DHX16: variants seen among roughly 807,000 people sequenced by gnomAD.
DHX16 encodes the protein DEAH-box helicase 16.
DHX16 carries 81 observed loss-of-function variants against 131.2 expected under a neutral mutation model. The observed-to-expected ratio is 0.62, with a 90% CI of 0.52 to 0.74. The LOEUF (loss-of-function observed/expected upper bound fraction) is 0.74. Ranked by LOEUF, DHX16 falls within the 30% of genes least tolerant of loss-of-function variation. The pLI is 0.00. For missense variants in DHX16, 980 were observed against 1,363.1 expected, an observed-to-expected ratio of 0.72 and a Z score of 4.43; for synonymous variants, 440 against 520.2, an observed-to-expected ratio of 0.85 and a Z score of 2.10.
chr6:30,658,650 G>A (rs1160753163), intron 12 of DHX16, among the ~76,000 whole-genome samples: 1 of 151,834 alleles, frequency 6.6e-6, no homozygotes, highest in Non-Finnish European at 1.5e-5. Flanking sequence ...GGTGGAGGCT[G>A]CAGTGAGCCG....
At position 30,656,702 on chromosome 6, in the gene DHX16, G is replaced by A. The variant is rs866178679; in HGVS notation, c.2206C>T (p.Arg736Cys). The change falls in exon 14 of 20, where the codon CGC (arginine) becomes TGC (cysteine). Residue 736 changes from arginine (R) to cysteine (C), a missense_variant. By Grantham distance (180) the Arg-to-Cys change is radical (BLOSUM62 -3). Transcript: ENST00000376442. This position sits in a 1 kb window ranked among gnomAD's most constrained non-coding sequence, Gnocchi z 5.1. ...TGATAGGCCCAGGCGGTATACAGGC[G>A]GAAGCACTTCCCTGCAGCCACCCGA... Reference protein sequence around the residue: ...AGRVAAGKCFRLYTAWAYQHE... With the variant: ...AGRVAAGKCFCLYTAWAYQHE... 4.3e-6 allele frequency: 7 copies of A among 1,613,408 alleles called. No individual in the cohort carries two copies. Among genetic ancestry groups the A allele is most frequent in the East Asian group, 2.2e-5 (1 of 44,900 alleles).
At position 30,665,334 on chromosome 6, in the gene DHX16, C is replaced by G; in HGVS notation, c.922-60G>C. The G allele has an allele frequency of 6.3e-7, 1 of 1,592,750 alleles. No individual in the cohort carries two copies. The highest frequency in any genetic ancestry group is 8.5e-7 in the Non-Finnish European group (1 of 1,172,424). On this transcript the variant is annotated intron_variant, in intron 5 of 19. Transcript: ENST00000376442. The surrounding 1 kb of genome is among the most constrained non-coding windows in gnomAD (Gnocchi z 4.8). Reference sequence around the variant, plus strand: ...CAGGATGTCCTCTCTGCCCTCTCCCCTCTTCCCATTACTACCCCCGCCCAC... The same window carrying G: ...CAGGATGTCCTCTCTGCCCTCTCCCGTCTTCCCATTACTACCCCCGCCCAC...
rs760090255 is a variant in DHX16 at position 30,662,929 on chromosome 6, AC to A, written c.1409del (p.Gly470ValfsTer2). ...SVAARVAREM[G>X]VKLGNEVGYS... Reference sequence around the variant, plus strand: ...ATCTCACCTCATTCCCAAGCTTCACACCCATCTCCCGGGCCACTCGGGCGGC... The same window carrying A: ...ATCTCACCTCATTCCCAAGCTTCACACCATCTCCCGGGCCACTCGGGCGGC... On this transcript the variant is annotated frameshift_variant, in exon 8 of 20. Coordinates refer to ENST00000376442, the MANE Select transcript of DHX16 (RefSeq NM_003587.5). LOFTEE classifies it high-confidence loss of function. The surrounding 1 kb of genome is among the most constrained non-coding windows in gnomAD (Gnocchi z 4.7). The A allele has an allele frequency of 1.9e-6, 3 of 1,612,862 alleles. No homozygotes were observed. The Admixed American group carries it at 5.0e-5, about 27-fold the overall frequency.
intron 19 of DHX16, among the ~76,000 whole-genome samples, chr6:30,654,129 G>T (rs963198309): frequency 6.7e-6 from 1 of 149,626 alleles, no homozygotes; most frequent in Non-Finnish European, 1.5e-5. Context: ...AAAAAGAAAA[G>T]CCTAGAACAT....
chr6:30,656,569 T>TC lies in DHX16; in HGVS notation c.2311+27dup, dbSNP rs990032389. On this transcript the variant is annotated intron_variant, in intron 14 of 19. Transcript: ENST00000376442. This position sits in a 1 kb window ranked among gnomAD's most constrained non-coding sequence, Gnocchi z 5.1. The stretch of plus-strand genomic sequence containing the variant: ...TTCAAAGGACAGTGACTCCAGCCCC[T>TC]CCCTCCTCTCTCAGGTAGCCCAATC... The TC allele has an allele frequency of 3.1e-6, 5 of 1,613,994 alleles. No homozygotes were observed. The African/African-American group carries it at 6.7e-5, about 22-fold the overall frequency.
chr6:30,669,601 C>T (rs1769342952), intron 4 of DHX16, among the ~76,000 whole-genome samples: 1 of 151,174 alleles, frequency 6.6e-6, no homozygotes, highest in Non-Finnish European at 1.5e-5. Context: ...ACTAAAGGTA[C>T]AAAAAATTAG....
intron 9 of DHX16, among the ~76,000 whole-genome samples, chr6:30,660,769 C>T (rs1768435736): frequency 6.6e-6 from 1 of 151,962 alleles, no homozygotes; most frequent in Admixed American, 6.6e-5. Context: ...GTAGTCCCAG[C>T]TACTTGGGAG....
chr6:30,655,655 T>C (rs144182917), intron 16 of DHX16, 58 bp from the exon 17 acceptor site: 1 of 1,587,992 alleles, frequency 6.3e-7, no homozygotes, highest in Non-Finnish European at 8.6e-7. Flanking sequence ...ACAGATATGG[T>C]GGAGTGGGGA....
Position 30,670,347 on chromosome 6 carries a change from C to T in DHX16, c.666+63G>A. Reference sequence around the variant, plus strand: ...TTCCTCTGTATCCTCTCTCCCTATACACTCTATCAGAAAGTCTTTCCTTTT... The same window carrying T: ...TTCCTCTGTATCCTCTCTCCCTATATACTCTATCAGAAAGTCTTTCCTTTT... On this transcript the variant is annotated intron_variant, in intron 4 of 19. Transcript: ENST00000376442. This position sits in a 1 kb window ranked among gnomAD's most constrained non-coding sequence, Gnocchi z 4.4. The T allele has an allele frequency of 2.0e-6, 3 of 1,503,432 alleles. No individual in the cohort carries two copies. The highest frequency in any genetic ancestry group is 2.4e-5 in the East Asian group (1 of 41,674). 93.1% of individuals were successfully genotyped at this position (1,503,432 alleles called of 1,614,324 possible).
rs769712139 is a variant in DHX16 at position 30,673,004 on chromosome 6, C to G, written c.-163G>C. 20 of 1,549,932 alleles carry G rather than the reference C, an allele frequency of 1.3e-5. No individual in the cohort carries two copies. In the Admixed American group the frequency reaches 1.4e-4, roughly 11 times the overall value. On this transcript the variant is annotated 5_prime_UTR_variant, in exon 1 of 20. Transcript: ENST00000376442. ...ACATCCCAAAGCTGTCTTCCCGTAC[C>G]GCGGAGCCCGGAAGGGGCTGTACTT...
rs1370849520 is a variant in DHX16 at position 30,672,634 on chromosome 6, C to A, written c.207+1G>T. ...GGGCCCCTCCCCACCCCTGCCGACA[C>A]CTTGTTCCAGAGTCTCAGGGCGAAG... On this transcript the variant is annotated splice_donor_variant, in intron 1 of 19. Transcript: ENST00000376442. LOFTEE classifies it high-confidence loss of function. The A allele has an allele frequency of 1.2e-6, 2 of 1,607,720 alleles. No homozygotes were observed. The highest frequency in any genetic ancestry group is 2.7e-5 in the African/African-American group (2 of 74,978).
Position 30,662,695 on chromosome 6 carries a change from G to A in DHX16, c.1476C>T (p.Val492=), listed in dbSNP as rs1768626785. 1 of 1,613,008 alleles carries A rather than the reference G, an allele frequency of 6.2e-7. No individual in the cohort carries two copies. The highest frequency in any genetic ancestry group is 1.3e-5 in the African/African-American group (1 of 74,940). Residue 492 remains valine (V), a synonymous_variant, in exon 9 of 20, where the codon GTC becomes GTT. Transcript: ENST00000376442. This position sits in a 1 kb window ranked among gnomAD's most constrained non-coding sequence, Gnocchi z 4.7. ...RFEDCTSERT[V]LRYMTDGMLL... ...GCATCCCATCTGTCATGTAGCGGAG[G>A]ACAGTTCGCTCTGATGTGCAGTCCT...
In DHX16 at chr6:30,655,185, CGGATATAGTCCCCCTGGCA is replaced by C. The variant is rs1561967063; in HGVS notation, c.2794_2812del (p.Cys932ValfsTer17). On this transcript the variant is annotated frameshift_variant, in exon 18 of 20. Coordinates refer to ENST00000376442, the MANE Select transcript of DHX16 (RefSeq NM_003587.5). LOFTEE classifies it high-confidence loss of function. The stretch of plus-strand genomic sequence containing the variant: ...TGAAGAAATGCTGACCTTGCGTACA[CGGATATAGTCCCCCTGGCA>C]GGAACTGAGACCAACTTCCACACGT... 2.5e-6 allele frequency: 4 copies of C among 1,614,016 alleles called. No individual in the cohort carries two copies. The highest frequency in any genetic ancestry group is 3.4e-6 in the Non-Finnish European group (4 of 1,180,038).
intron 4 of DHX16, among the ~76,000 whole-genome samples, chr6:30,666,355 G>C (rs1769043264): frequency 6.6e-6 from 1 of 152,316 alleles, no homozygotes; most frequent in Admixed American, 6.5e-5. Context: ...GTCTCACTTA[G>C]TTTCTACACA....
chr6:30,661,385 T>A (rs190045283), intron 9 of DHX16, among the ~76,000 whole-genome samples: 2 of 152,090 alleles, frequency 1.3e-5, no homozygotes, highest in Non-Finnish European at 2.9e-5. Context: ...TCCCGGCTGA[T>A]ACGTTTTAAA....
In DHX16 at chr6:30,662,660, T is replaced by G; in HGVS notation, c.1511A>C (p.Glu504Ala). 1 of 1,613,090 alleles carries G rather than the reference T, an allele frequency of 6.2e-7. No individual in the cohort carries two copies. Among genetic ancestry groups the G allele is most frequent in the Non-Finnish European group, 8.5e-7 (1 of 1,180,022 alleles). The change falls in exon 9 of 20, where the codon GAG becomes GCG. Residue 504 changes from glutamate to alanine, a missense_variant. Around this residue, in one of 3 missense-constraint regions of DHX16, gnomAD observed 309 missense variants for 537.1 expected, o/e 0.58. Coordinates refer to ENST00000376442, the MANE Select transcript of DHX16 (RefSeq NM_003587.5). This position sits in a 1 kb window ranked among gnomAD's most constrained non-coding sequence, Gnocchi z 4.7. Reference protein sequence around the residue: ...RYMTDGMLLREFLSEPDLASY... With the variant: ...RYMTDGMLLRAFLSEPDLASY... ...CGCCAGGTCAGGCTCAGAGAGGAACTCCCGGAGAAGCATCCCATCTGTCAT... is the reference window on the plus strand; with the variant it reads ...CGCCAGGTCAGGCTCAGAGAGGAACGCCCGGAGAAGCATCCCATCTGTCAT...
rs1340398359 is a variant in DHX16 at position 30,662,967 on chromosome 6, C to A, written c.1372G>T (p.Ala458Ser). 1 of 1,613,612 alleles carries A rather than the reference C, an allele frequency of 6.2e-7. No individual in the cohort carries two copies. Among genetic ancestry groups the A allele is most frequent in the Non-Finnish European group, 8.5e-7 (1 of 1,180,034 alleles). ...IACTQPRRVAAMSVAARVARE... is the reference protein window; with the variant it reads ...IACTQPRRVASMSVAARVARE... ...GCCACTCGGGCGGCCACACTCATGGCAGCCACTCTCCGGGGTTGGGTGCAG... is the reference window on the plus strand; with the variant it reads ...GCCACTCGGGCGGCCACACTCATGGAAGCCACTCTCCGGGGTTGGGTGCAG... The change falls in exon 8 of 20, where the codon GCC (alanine) becomes TCC (serine). Residue 458 changes from alanine (A) to serine (S), a missense_variant. By Grantham distance (99) the Ala-to-Ser change is moderately conservative. This residue lies in a region of DHX16 where 309 missense variants were observed against 537.1 expected (regional missense o/e 0.58). Transcript: ENST00000376442. This position sits in a 1 kb window ranked among gnomAD's most constrained non-coding sequence, Gnocchi z 4.7.
intron 7 of DHX16, 144 bp downstream of exon 7, chr6:30,664,657 A>G: frequency 1.4e-6 from 1 of 716,230 alleles, no homozygotes. Context: ...TGAAAAGGGT[A>G]TGGTCTTTAC....
intron 18 of DHX16, 79 bp from the exon 19 acceptor site, chr6:30,654,958 C>A: frequency 2.0e-6 from 3 of 1,480,058 alleles, no homozygotes; most frequent in Non-Finnish European, 2.7e-6. Context: ...CTTTTTAGTT[C>A]AGGCTTCAGG....
Sources: allele counts gnomAD v4.1 joint callset (sites outside exome capture counted in the v4.1 genomes callset), GRCh38; gene constraint gnomAD v4.1.1; regional missense constraint gnomAD v4.1.1; non-coding constraint Gnocchi (gnomAD v3.1); transcripts MANE v1.5; gene names NCBI Gene and HGNC (gene_info 2026-07-23, HGNC 2026-07-21).